TENM2: variants seen among roughly 807,000 people sequenced by gnomAD.
The protein encoded by TENM2 is teneurin transmembrane protein 2.
In TENM2, 52 loss-of-function variants were observed where a neutral mutation model predicts 245.2. That is an observed-to-expected ratio of 0.21 (90% confidence interval 0.17 to 0.27). TENM2 has a LOEUF of 0.27. TENM2 is among the 10% of genes least tolerant of loss of function. The pLI, the probability that TENM2 is intolerant of heterozygous loss-of-function variation, is 1.00. For synonymous variants in TENM2, 1,363 were observed against 1,438.9 expected, an observed-to-expected ratio of 0.95 and a Z score of 1.19; for missense variants, 3,046 against 3,666.8, an observed-to-expected ratio of 0.83 and a Z score of 4.37.
chr5:168,226,455 G>C (rs1287815277), intron 24 of TENM2, among the ~76,000 whole-genome samples, 192 bp downstream of exon 26: 1 of 152,072 alleles, frequency 6.6e-6, no homozygotes, highest in Non-Finnish European at 1.5e-5. Context: ...TAATCAGATA[G>C]AACAGAATGT....
At chr5:167,945,558 C>T (rs925264512) in intron 3 of TENM2, among the ~76,000 whole-genome samples, 9 of 152,106 alleles carry the variant, frequency 5.9e-5, no homozygotes, top group Non-Finnish European at 1.3e-4. Context: ...ATGTCCCTGC[C>T]GACCCTAGTC....
chr5:167,178,621 C>T, the TENM2 span, among the ~76,000 whole-genome samples: 272 of 152,080 alleles, frequency 1.8e-3, 1 homozygote, highest in African/African-American at 6.1e-3. Context: ...CGAGTACAAC[C>T]TTTTCAAAAC....
chr5:167,964,874 A>G (rs1781274143), intron 4 of TENM2, among the ~76,000 whole-genome samples: 1 of 152,200 alleles, frequency 6.6e-6, no homozygotes, highest in Non-Finnish European at 1.5e-5. Flanking sequence ...CTACCTCGAG[A>G]ACAATTAAAA....
chr5:167,056,292 A>G, the TENM2 span, among the ~76,000 whole-genome samples: 1 of 151,612 alleles, frequency 6.6e-6, no homozygotes, highest in African/African-American at 2.4e-5. Context: ...GAGAAAGTAT[A>G]TATTTCTCCT....
chr5:167,451,563 T>G (rs1765583610), intron 2 of TENM2, among the ~76,000 whole-genome samples: 1 of 152,154 alleles, frequency 6.6e-6, no homozygotes, highest in East Asian at 1.9e-4. Flanking sequence ...GCTATTCCCC[T>G]TTAGTTTTCA....
At chr5:167,176,399 C>G in the TENM2 span, among the ~76,000 whole-genome samples, 810 of 152,336 alleles carry the variant, frequency 5.3e-3, 5 homozygotes, top group African/African-American at 0.018. Flanking sequence ...TGAGCTTTTT[C>G]TGCCATTTTA....
the TENM2 span, among the ~76,000 whole-genome samples, chr5:167,004,904 C>G: frequency 1.3e-5 from 2 of 152,098 alleles, no homozygotes; most frequent in Non-Finnish European, 2.9e-5. Context: ...CAGGCTAACC[C>G]TATTATTCAC....
At chr5:167,515,479 A>G (rs62383323) in intron 2 of TENM2, among the ~76,000 whole-genome samples, 75,051 of 150,636 alleles carry the variant, frequency 0.5, 20,484 homozygotes, top group South Asian at 0.65. Flanking sequence ...TTCATTGCCA[A>G]TGGGTTCCAA....
At chr5:167,890,182 T>C (rs890801694) in intron 3 of TENM2, among the ~76,000 whole-genome samples, 1 of 152,140 alleles carries the variant, frequency 6.6e-6, no homozygotes, top group Non-Finnish European at 1.5e-5. Flanking sequence ...GAAAGTTCTT[T>C]TCCAACTTTC....
At chr5:167,857,046 C>T (rs1399804283) in intron 2 of TENM2, among the ~76,000 whole-genome samples, 2 of 152,086 alleles carry the variant, frequency 1.3e-5, no homozygotes, top group African/African-American at 4.8e-5. Context: ...TAGAGCAATG[C>T]CCTGGCCTAG....
At chr5:167,173,922 C>T in the TENM2 span, among the ~76,000 whole-genome samples, 3 of 151,958 alleles carry the variant, frequency 2.0e-5, no homozygotes, top group African/African-American at 7.3e-5. Flanking sequence ...AAATTCTTTT[C>T]CAGACACATC....
Position 168,221,248 on chromosome 5 carries a change from CT to C in TENM2, c.5108+2257del, listed in dbSNP as rs200739505. On this transcript the variant is annotated intron_variant, in intron 23 of 28. Coordinates refer to ENST00000518659, the Ensembl canonical transcript of TENM2. ...CTATAGGTGAGAAGAGTGGCCATAT[CT>C]TTTTTTTCTGCATAGAACATGAGGT... Among the ~76,000 whole-genome samples the C allele has an allele frequency of 1.2e-3, 181 of 152,188 alleles. 4 individuals are homozygous for C. The East Asian group carries it at 0.032, about 27-fold the overall frequency.
chr5:167,181,437 G>GTTT, the TENM2 span, among the ~76,000 whole-genome samples: 4,046 of 123,118 alleles, frequency 0.033, 289 homozygotes, highest in African/African-American at 0.12. Context: ...TCAGTTCTCT[G>GTTT]TTTTTTTTTT....
At chr5:167,588,925 G>A (rs934461543) in intron 2 of TENM2, among the ~76,000 whole-genome samples, 5 of 152,184 alleles carry the variant, frequency 3.3e-5, no homozygotes, top group Admixed American at 3.3e-4. Flanking sequence ...GACAGGCCAG[G>A]CATGGTGGCT....
At chr5:168,211,015 A>G (rs1762766937) in intron 19 of TENM2, among the ~76,000 whole-genome samples, 1 of 152,192 alleles carries the variant, frequency 6.6e-6, no homozygotes, top group South Asian at 2.1e-4. Flanking sequence ...TTCCAAGAGG[A>G]TATTATTACC....
chr5:167,498,335 C>G (rs1212410856), intron 2 of TENM2, among the ~76,000 whole-genome samples: 1 of 152,090 alleles, frequency 6.6e-6, no homozygotes, highest in Non-Finnish European at 1.5e-5. Flanking sequence ...GATTGGAGAC[C>G]TGTCTAGTGA....
At chr5:167,096,693 A>G in the TENM2 span, among the ~76,000 whole-genome samples, 1,218 of 152,190 alleles carry the variant, frequency 8.0e-3, 11 homozygotes, top group African/African-American at 0.028. Context: ...TTGTTCCTCT[A>G]TTGAGTTTTT....
chr5:167,900,664 G>A lies in TENM2; in HGVS notation c.712+24469G>A, dbSNP rs950231091. ...GTGGAAGGACTGGAGGATTGGCCTTGTTTTCAAACGGCTAATTTTCTTGTT... is the reference window on the plus strand; with the variant it reads ...GTGGAAGGACTGGAGGATTGGCCTTATTTTCAAACGGCTAATTTTCTTGTT... On this transcript the variant is annotated intron_variant, in intron 3 of 28. Coordinates refer to ENST00000518659, the Ensembl canonical transcript of TENM2. 7.9e-5 allele frequency among the ~76,000 whole-genome samples: 12 copies of A among 152,212 alleles called. 1 individual carries two copies. The highest frequency in any genetic ancestry group is 4.4e-5 in the Non-Finnish European group (3 of 68,036).
chr5:167,976,865 C>T (rs1353120210), intron 4 of TENM2, among the ~76,000 whole-genome samples: 1 of 152,050 alleles, frequency 6.6e-6, no homozygotes, highest in Non-Finnish European at 1.5e-5. Flanking sequence ...AAGATGCGTG[C>T]ATGTGTATGT....
Sources: allele counts gnomAD v4.1 joint callset (sites outside exome capture counted in the v4.1 genomes callset), GRCh38; gene constraint gnomAD v4.1.1; transcripts MANE v1.5; gene names NCBI Gene and HGNC (gene_info 2026-07-23, HGNC 2026-07-21).